NCAM1: variants seen among roughly 807,000 people sequenced by gnomAD.
The protein encoded by NCAM1 is antigen recognized by monoclonal antibody 5.1H11.
In NCAM1, 14 loss-of-function variants were observed where a neutral mutation model predicts 109.8. That is an observed-to-expected ratio of 0.13 (90% CI 0.08 to 0.20). NCAM1 has a LOEUF of 0.20. Ranked by LOEUF, NCAM1 falls within the 10% of genes least tolerant of loss-of-function variation. The probability of loss-of-function intolerance (pLI) is 1.00; values close to 1 mark genes in which losing one functional copy is unlikely to be tolerated. For missense variants in NCAM1, 774 were observed against 1,109.9 expected (o/e 0.70, Z 4.30); for synonymous variants, 418 against 442.9 (o/e 0.94, Z 0.70).
intron 1 of NCAM1, among the ~76,000 whole-genome samples, chr11:112,974,837 A>ATG (rs1184214361): frequency 2.0e-5 from 3 of 150,376 alleles, no homozygotes; most frequent in East Asian, 4.0e-4. Context: ...GTGTGTATGT[A>ATG]TGTGTGTGTG....
rs374537841 is a variant in NCAM1, at chr11:113,041,528, T to C, written c.52+79864T>C. 3.3e-4 allele frequency among the ~76,000 whole-genome samples: 50 copies of C among 152,348 alleles called. 1 individual carries two copies. In the South Asian group the frequency reaches 0.01, roughly 31 times the overall value. On this transcript the variant is annotated intron_variant, in intron 1 of 19. Coordinates refer to ENST00000316851, the MANE Select transcript of NCAM1 (RefSeq NM_181351.5). The stretch of plus-strand genomic sequence containing the variant: ...ATATAATGAATTGACCATTTGGTTA[T>C]GTAATGGGGATGACTATCTTCAGAT...
At chr11:113,015,768 G>T (rs549274139) in intron 1 of NCAM1, among the ~76,000 whole-genome samples, 2 of 152,040 alleles carry the variant, frequency 1.3e-5, no homozygotes, top group South Asian at 4.2e-4. Context: ...AAGAAAAAAA[G>T]ATAGCGTCAG....
chr11:113,157,223 C>G (rs11214520), intron 1 of NCAM1, among the ~76,000 whole-genome samples: 21,739 of 151,880 alleles, frequency 0.14, 1,743 homozygotes, highest in East Asian at 0.26. Context: ...ATGTCGTTTG[C>G]ACTGTTGGGT....
intron 1 of NCAM1, among the ~76,000 whole-genome samples, chr11:113,136,463 G>GA (rs782019026): frequency 3.2e-4 from 49 of 152,206 alleles, no homozygotes; most frequent in Admixed American, 7.9e-4. Flanking sequence ...CCCCCAGTGA[G>GA]ACAGGGCTGG....
chr11:113,233,016 A>G lies in NCAM1; in HGVS notation c.1523-131A>G. The G allele has an allele frequency of 9.8e-7, 1 of 1,025,044 alleles. No homozygotes were observed. Among genetic ancestry groups the G allele is most frequent in the Non-Finnish European group, 1.4e-6 (1 of 698,160 alleles). The allele number at this position is 1,025,044 out of a possible 1,614,324, so 63.5% of individuals were successfully genotyped here. A position where few individuals can be genotyped will look rare whatever the true frequency, so the allele number is the denominator to read the frequency against. On this transcript the variant is annotated intron_variant, in intron 12 of 19. Coordinates refer to ENST00000316851, the MANE Select transcript of NCAM1 (RefSeq NM_181351.5). This position sits in a 1 kb window ranked among gnomAD's most constrained non-coding sequence, Gnocchi z 4.5. ...GGAGAAGCATCTGGTGAGATGGGCCAGGAGGACAGGATACAGTGACAGGAT... is the reference window on the plus strand; with the variant it reads ...GGAGAAGCATCTGGTGAGATGGGCCGGGAGGACAGGATACAGTGACAGGAT...
intron 15 of NCAM1, among the ~76,000 whole-genome samples, chr11:113,251,467 A>G (rs537866014): frequency 6.6e-6 from 1 of 152,236 alleles, no homozygotes; most frequent in Admixed American, 6.5e-5. Flanking sequence ...CCTATGATAT[A>G]TCTGACTATA....
intron 1 of NCAM1, among the ~76,000 whole-genome samples, chr11:113,016,509 G>A (rs1348927038): frequency 6.6e-6 from 1 of 152,204 alleles, no homozygotes; most frequent in African/African-American, 2.4e-5. Flanking sequence ...TCTGTATAGT[G>A]GCTTAAGACA....
At chr11:113,098,737 G>C (rs1939724265) in intron 1 of NCAM1, among the ~76,000 whole-genome samples, 1 of 152,146 alleles carries the variant, frequency 6.6e-6, no homozygotes, top group South Asian at 2.1e-4. Context: ...AACTGGAGTA[G>C]AGCAAAGGTC....
At chr11:113,162,653 G>A (rs1555104615) in intron 1 of NCAM1, among the ~76,000 whole-genome samples, 1 of 152,202 alleles carries the variant, frequency 6.6e-6, no homozygotes, top group East Asian at 1.9e-4. Flanking sequence ...TAGCAGTGAT[G>A]TAATGGAAAA....
At chr11:112,994,518 C>T (rs1407928875) in intron 1 of NCAM1, among the ~76,000 whole-genome samples, 1 of 152,212 alleles carries the variant, frequency 6.6e-6, no homozygotes, top group Non-Finnish European at 1.5e-5. Flanking sequence ...TTATGCCCTT[C>T]ATTTTGATAC....
At chr11:113,090,752 C>A (rs782510826) in intron 1 of NCAM1, among the ~76,000 whole-genome samples, 1 of 152,136 alleles carries the variant, frequency 6.6e-6, no homozygotes, top group Non-Finnish European at 1.5e-5. Flanking sequence ...TAAATTATCC[C>A]AAAAACATGT....
intron 1 of NCAM1, among the ~76,000 whole-genome samples, chr11:113,066,782 C>T (rs1266577300): frequency 1.3e-5 from 2 of 151,938 alleles, no homozygotes; most frequent in African/African-American, 2.4e-5. Context: ...GGGTGGATCA[C>T]GAGGTCAGGA....
chr11:113,271,383 A>C (rs1335001433), intron 18 of NCAM1, among the ~76,000 whole-genome samples: 1 of 151,456 alleles, frequency 6.6e-6, no homozygotes, highest in Non-Finnish European at 1.5e-5. Context: ...AAAAAAAAAA[A>C]AAAAAAAAAA....
intron 1 of NCAM1, among the ~76,000 whole-genome samples, chr11:113,056,620 A>G (rs1953723042): frequency 6.6e-6 from 1 of 152,166 alleles, no homozygotes; most frequent in Admixed American, 6.5e-5. Flanking sequence ...GGAGGCATCC[A>G]GCTGACAGCC....
At chr11:113,207,149 G>A (rs1210628745) in intron 5 of NCAM1, 112 bp from the exon 6 acceptor site, 9 of 733,062 alleles carry the variant, frequency 1.2e-5, no homozygotes, top group East Asian at 5.3e-5. Flanking sequence ...AGCTGCACAC[G>A]ACGTTTGTCC....
chr11:113,085,210 T>G (rs1160044715), intron 1 of NCAM1, among the ~76,000 whole-genome samples: 2 of 152,350 alleles, frequency 1.3e-5, no homozygotes, highest in East Asian at 3.9e-4. Context: ...TGTTGGCCTG[T>G]CTGCAAACAG....
chr11:113,184,046 T>A (rs1943416305), intron 1 of NCAM1, among the ~76,000 whole-genome samples: 1 of 152,242 alleles, frequency 6.6e-6, no homozygotes, highest in Non-Finnish European at 1.5e-5. Context: ...GTGCAGTGGC[T>A]ATGAATTCCC....
chr11:113,124,402 C>T (rs1326270784), intron 1 of NCAM1, among the ~76,000 whole-genome samples: 1 of 152,180 alleles, frequency 6.6e-6, no homozygotes, highest in African/African-American at 2.4e-5. Flanking sequence ...ACAAGTCCTA[C>T]TCAGGACTCT....
rs1396578868 is a variant in NCAM1, at chr11:112,992,419, C to T, written c.52+30755C>T. On this transcript the variant is annotated intron_variant, in intron 1 of 19. Transcript: ENST00000316851. Reference sequence around the variant, plus strand: ...ATTGTTGTAAAATGTGACTCATTTACATGGTTCAAAAATGAAAAGCATAAA... The same window carrying T: ...ATTGTTGTAAAATGTGACTCATTTATATGGTTCAAAAATGAAAAGCATAAA... Among the ~76,000 whole-genome samples the T allele has an allele frequency of 2.0e-5, 3 of 151,512 alleles. No individual in the cohort carries two copies. The South Asian group carries it at 6.2e-4, about 31-fold the overall frequency.
Sources: allele counts gnomAD v4.1 joint callset (sites outside exome capture counted in the v4.1 genomes callset), GRCh38; gene constraint gnomAD v4.1.1; non-coding constraint Gnocchi (gnomAD v3.1); transcripts MANE v1.5; gene names NCBI Gene and HGNC (gene_info 2026-07-23, HGNC 2026-07-21).